USP30: variants seen among roughly 807,000 people sequenced by gnomAD.
USP30 encodes the protein ubiquitin carboxyl-terminal hydrolase 30.
In USP30, 41 loss-of-function variants were observed where a neutral mutation model predicts 68.2. That is an observed-to-expected ratio of 0.60 (90% CI 0.47 to 0.78). The LOEUF is 0.78. Among genes scored for constraint, USP30 ranks in the 30% least tolerant of loss-of-function variants. USP30 has a pLI of 0.00. For missense variants in USP30, 522 were observed against 649.4 expected (o/e 0.80, Z 2.13); for synonymous variants, 229 against 253.7 (o/e 0.90, Z 0.93).
chr12:109,063,361 A>G (rs1400555140), intron 3 of USP30, among the ~76,000 whole-genome samples: 1 of 152,164 alleles, frequency 6.6e-6, no homozygotes, highest in African/African-American at 2.4e-5. Flanking sequence ...TCAGCCTCCC[A>G]AAGTTCTGGG....
chr12:109,041,412 G>A (rs1196696312), intron 3 of USP30, among the ~76,000 whole-genome samples: 1 of 152,102 alleles, frequency 6.6e-6, no homozygotes, highest in Non-Finnish European at 1.5e-5. Context: ...TGAGGCAGGT[G>A]GATCACGAGC....
chr12:109,084,121 G>A (rs773215502), intron 11 of USP30, among the ~76,000 whole-genome samples: 4 of 152,182 alleles, frequency 2.6e-5, no homozygotes, highest in Non-Finnish European at 5.9e-5. Flanking sequence ...CCAGCACTTT[G>A]GGAGATTGAG....
chr12:109,081,616 C>A, intron 8 of USP30: 1 of 555,138 alleles, frequency 1.8e-6, no homozygotes, highest in Non-Finnish European at 3.1e-6. Flanking sequence ...CACACGCACG[C>A]ATGCGCGCAC....
At chr12:109,054,063 G>A in intron 1 of USP30, 1 of 456,040 alleles carries the variant, frequency 2.2e-6, no homozygotes, top group South Asian at 1.5e-5. Flanking sequence ...CACAGGGCCT[G>A]GCAGAGAGTA....
chr12:109,057,857 G>A, intron 2 of USP30, 69 bp from the exon 3 acceptor site: 1 of 1,511,496 alleles, frequency 6.6e-7, no homozygotes. Flanking sequence ...GGAACTCTGG[G>A]TCCCACATGG....
intron 3 of USP30, among the ~76,000 whole-genome samples, chr12:109,039,875 C>CT (rs1476740698): frequency 6.6e-6 from 1 of 152,160 alleles, no homozygotes; most frequent in Non-Finnish European, 1.5e-5. Context: ...TCCCAAAGTG[C>CT]TGGGATTACA....
At chr12:109,041,981 T>C (rs1398892220) in intron 3 of USP30, among the ~76,000 whole-genome samples, 1 of 152,124 alleles carries the variant, frequency 6.6e-6, no homozygotes, top group Non-Finnish European at 1.5e-5. Flanking sequence ...AAAAAAATTG[T>C]AGAAACTCAA....
At chr12:109,043,162 A>C (rs1182477051) in intron 3 of USP30, among the ~76,000 whole-genome samples, 1 of 152,212 alleles carries the variant, frequency 6.6e-6, no homozygotes, top group Non-Finnish European at 1.5e-5. Flanking sequence ...TTAAAATGTC[A>C]ATACTACCCA....
At chr12:109,082,443 G>A in intron 9 of USP30, 1 of 581,222 alleles carries the variant, frequency 1.7e-6, no homozygotes, top group Non-Finnish European at 3.1e-6. Context: ...CAGAGCATCA[G>A]TGTTCGCTCT....
chr12:109,052,662 C>A lies in USP30; in HGVS notation c.-17C>A. 1 of 1,497,610 alleles carries A rather than the reference C, an allele frequency of 6.7e-7. No individual in the cohort carries two copies. The highest frequency in any genetic ancestry group is 2.7e-5 in the East Asian group (1 of 36,510). The allele number at this position is 1,497,610 out of a possible 1,614,324, so 92.8% of individuals were successfully genotyped here. On this transcript the variant is annotated 5_prime_UTR_variant, in exon 1 of 13. Coordinates refer to ENST00000257548, the MANE Select transcript of USP30 (RefSeq NM_032663.5). The stretch of plus-strand genomic sequence containing the variant: ...CGGTAGCGGAGGAGACGGTTTCAGG[C>A]CTCCGGTGCGGCTGCAATGCTGAGC...
Position 109,067,528 on chromosome 12 carries a change from G to A in USP30, c.381G>A (p.Leu127=). The change falls in exon 4 of 13, where the codon TTG becomes TTA. Residue 127 remains leucine, a synonymous_variant. Transcript: ENST00000257548. ...TCTTACCTTTTTTGTTTCCAGCCTTGTCCTGCCAAGAAGTTACTGATGATG... is the reference window on the plus strand; with the variant it reads ...TCTTACCTTTTTTGTTTCCAGCCTTATCCTGCCAAGAAGTTACTGATGATG... The part of the protein sequence containing the change: ...SLTLLHLLKA[L]SCQEVTDDEV... 1 of 1,613,864 alleles carries A rather than the reference G, an allele frequency of 6.2e-7. No homozygotes were observed. The highest frequency in any genetic ancestry group is 8.5e-7 in the Non-Finnish European group (1 of 1,179,926).
rs16939904 is a variant in USP30 at position 109,082,964 on chromosome 12, A to G, written c.1070A>G (p.His357Arg). 128,708 of 1,614,092 alleles carry G rather than the reference A, an allele frequency of 0.08. 5,644 individuals carry two copies. Among genetic ancestry groups the G allele is most frequent in the East Asian group, 0.14 (6,425 of 44,874 alleles). ...EFLMMDIYKYHLLGHKPSQHN... is the reference protein window; with the variant it reads ...EFLMMDIYKYRLLGHKPSQHN... ...CTGATGATGGACATTTACAAGTACC[A>G]CCTCCTTGGACATAAACCTAGTCAA... Residue 357 changes from histidine (H) to arginine (R), a missense_variant, in exon 11 of 13, where the codon CAC (histidine) becomes CGC (arginine). Physicochemically the swap from His to Arg is conservative, Grantham distance 29. Transcript: ENST00000257548.
chr12:109,043,749 CT>C (rs1461949475), intron 3 of USP30, among the ~76,000 whole-genome samples: 3 of 152,150 alleles, frequency 2.0e-5, no homozygotes, highest in African/African-American at 7.2e-5. Context: ...AAATTTAAAA[CT>C]TTTGCGCATC....
intron 4 of USP30, among the ~76,000 whole-genome samples, chr12:109,068,872 G>C (rs1475857682): frequency 6.6e-6 from 1 of 152,166 alleles, no homozygotes; most frequent in East Asian, 1.9e-4. Context: ...TCTAGCATGG[G>C]CCTTGCCCAC....
intron 3 of USP30, among the ~76,000 whole-genome samples, chr12:109,044,713 A>G (rs1348734130): frequency 6.6e-6 from 1 of 152,186 alleles, no homozygotes; most frequent in African/African-American, 2.4e-5. Flanking sequence ...ATAAAAAAAA[A>G]TGGAAAAATC....
Position 109,052,688 on chromosome 12 carries a change from T to C in USP30, c.10T>C (p.Ser4Pro), listed in dbSNP as rs2040700212. 1.3e-6 allele frequency: 2 copies of C among 1,491,658 alleles called. No individual in the cohort carries two copies. The highest frequency in any genetic ancestry group is 1.8e-6 in the Non-Finnish European group (2 of 1,125,618). 92.4% of individuals were successfully genotyped at this position (1,491,658 alleles called of 1,614,324 possible). ...CTCCGGTGCGGCTGCAATGCTGAGCTCCCGGGCCGAGGCGGCGATGACCGC... is the reference window on the plus strand; with the variant it reads ...CTCCGGTGCGGCTGCAATGCTGAGCCCCCGGGCCGAGGCGGCGATGACCGC... MLS[S>P]RAEAAMTAAD... The change falls in exon 1 of 13, where the codon TCC becomes CCC. Residue 4 changes from serine (S) to proline (P), a missense_variant. By Grantham distance (74) the Ser-to-Pro change is moderately conservative (BLOSUM62 -1). Transcript: ENST00000257548.
Position 109,071,646 on chromosome 12 carries a change from C to A in USP30, c.515C>A (p.Ser172Ter), listed in dbSNP as rs764115252. Residue 172 changes from serine (S) to a stop codon, truncating the protein, a stop_gained, in exon 5 of 13, where the codon TCA (serine) becomes TAA (stop). Coordinates refer to ENST00000257548, the MANE Select transcript of USP30 (RefSeq NM_032663.5). LOFTEE classifies it high-confidence loss of function. Reference sequence around the variant, plus strand: ...GAATTATTCCATGTCATTACCTCGTCATTGGAAGATGAGCGAGACCGCCAG... The same window carrying A: ...GAATTATTCCATGTCATTACCTCGTAATTGGAAGATGAGCGAGACCGCCAG... Reference protein sequence around the residue: ...AHELFHVITSSLEDERDRQPR... With the variant: ...AHELFHVITS 1 of 1,614,210 alleles carries A rather than the reference C, an allele frequency of 6.2e-7. No individual in the cohort carries two copies. Among genetic ancestry groups the A allele is most frequent in the South Asian group, 1.1e-5 (1 of 91,080 alleles).
chr12:109,073,366 A>G, intron 6 of USP30, 72 bp from the exon 7 acceptor site: 1 of 1,061,862 alleles, frequency 9.4e-7, no homozygotes. Flanking sequence ...CACATGCTAG[A>G]AAGGAAGATG....
Position 109,071,595 on chromosome 12 carries a change from G to C in USP30, c.481-17G>C, listed in dbSNP as rs780117191. 1.2e-6 allele frequency: 2 copies of C among 1,611,528 alleles called. No homozygotes were observed. Among genetic ancestry groups the C allele is most frequent in the South Asian group, 2.2e-5 (2 of 90,962 alleles). On this transcript the variant is annotated splice_polypyrimidine_tract_variant and intron_variant, in intron 4 of 12. Transcript: ENST00000257548. ...GCCTCTTCCAACCTCTCTAAAGAAT[G>C]CTTTGCCCTATGACAGGATGCTCAC...
Sources: gnomAD v4.1 joint callset for allele counts (sites outside exome capture counted in the v4.1 genomes callset) on GRCh38, gnomAD v4.1.1 for gene constraint, MANE v1.5 for transcripts, NCBI Gene and HGNC (gene_info 2026-07-23, HGNC 2026-07-21) for gene names.